The following CCSER1 variants were observed in gnomAD, a reference collection of about 807,000 sequenced individuals.
CCSER1 encodes the protein serine-rich coiled-coil domain-containing protein 1.
In CCSER1, 41 loss-of-function variants were observed where a neutral mutation model predicts 82.0. That is an observed-to-expected ratio of 0.50 (90% CI 0.39 to 0.65). The LOEUF (loss-of-function observed/expected upper bound fraction) is 0.65. Ranked by LOEUF, CCSER1 falls within the 30% of genes least tolerant of loss-of-function variation. The pLI, the probability that CCSER1 is intolerant of heterozygous loss-of-function variation, is 0.00. For missense variants in CCSER1, 1,119 were observed against 1,064.2 expected, an observed-to-expected ratio of 1.05 and a Z score of -0.72; for synonymous variants, 414 against 383.9, an observed-to-expected ratio of 1.08 and a Z score of -0.92.
rs370075525 is a variant in CCSER1, at chr4:91,575,261, C to T, written c.2218-23311C>T. ...AAACATAAGACCTAAAACCATAAACCTCCTAAAAGAAAACCCAGGAGAAAA... is the reference window on the plus strand; with the variant it reads ...AAACATAAGACCTAAAACCATAAACTTCCTAAAAGAAAACCCAGGAGAAAA... On this transcript the variant is annotated intron_variant, in intron 10 of 10. Coordinates refer to ENST00000509176, the MANE Select transcript of CCSER1 (RefSeq NM_001145065.2). Among the ~76,000 whole-genome samples, 30 of 151,882 alleles carry T rather than the reference C, an allele frequency of 2.0e-4. 1 individual carries two copies. The highest frequency in any genetic ancestry group is 6.8e-3 in the Middle Eastern group (2 of 294).
chr4:91,509,848 A>G (rs1383282517), intron 10 of CCSER1, among the ~76,000 whole-genome samples: 1 of 152,046 alleles, frequency 6.6e-6, no homozygotes, highest in Non-Finnish European at 1.5e-5. Flanking sequence ...GATTTTTTTT[A>G]CATAATTTCA....
At chr4:91,163,210 G>T (rs1449068852) in intron 10 of CCSER1, among the ~76,000 whole-genome samples, 2 of 152,222 alleles carry the variant, frequency 1.3e-5, no homozygotes, top group African/African-American at 4.8e-5. Flanking sequence ...TTCAAGAGCA[G>T]ATTGTTCAGT....
chr4:91,549,199 T>C (rs1033529539), intron 10 of CCSER1, among the ~76,000 whole-genome samples: 17 of 152,130 alleles, frequency 1.1e-4, no homozygotes, highest in Non-Finnish European at 1.9e-4. Context: ...TGGTCTCTAG[T>C]AGTTCTTTTT....
chr4:91,118,664 T>A (rs1726836808), intron 10 of CCSER1, among the ~76,000 whole-genome samples: 2 of 152,178 alleles, frequency 1.3e-5, no homozygotes, highest in East Asian at 1.9e-4. Context: ...AATAAACACA[T>A]ATTTTATACA....
chr4:90,553,713 C>T (rs751828478), intron 5 of CCSER1, among the ~76,000 whole-genome samples: 24 of 152,158 alleles, frequency 1.6e-4, no homozygotes, highest in Non-Finnish European at 2.5e-4. Flanking sequence ...CTTTACTTGA[C>T]GCTTACTCTG....
At chr4:91,445,979 T>C (rs1560678350) in intron 10 of CCSER1, among the ~76,000 whole-genome samples, 1 of 152,122 alleles carries the variant, frequency 6.6e-6, no homozygotes, top group Non-Finnish European at 1.5e-5. Flanking sequence ...AAGAAATGAC[T>C]ATTATTTTTG....
At chr4:90,299,768 T>A (rs1343785019) in intron 1 of CCSER1, among the ~76,000 whole-genome samples, 3 of 152,156 alleles carry the variant, frequency 2.0e-5, no homozygotes, top group Non-Finnish European at 4.4e-5. Flanking sequence ...AGAAAGAGCC[T>A]GGACTGCAAG....
intron 3 of CCSER1, among the ~76,000 whole-genome samples, chr4:90,374,064 AG>A (rs1340128750): frequency 1.3e-5 from 2 of 152,234 alleles, no homozygotes; most frequent in African/African-American, 4.8e-5. Context: ...ACGAAACTGT[AG>A]CAGGCTAACT....
At chr4:91,407,747 G>A (rs13130550) in intron 10 of CCSER1, among the ~76,000 whole-genome samples, 5,764 of 152,226 alleles carry the variant, frequency 0.038, 162 homozygotes, top group Non-Finnish European at 0.061. Flanking sequence ...CAGGGAACTA[G>A]TAGAGTGAGA....
chr4:90,927,511 T>C (rs2150268435), intron 9 of CCSER1, among the ~76,000 whole-genome samples: 1 of 152,146 alleles, frequency 6.6e-6, no homozygotes, highest in East Asian at 1.9e-4. Flanking sequence ...TTTTGTCTCA[T>C]TCATGTATGA....
chr4:90,605,013 G>C (rs886410704), intron 5 of CCSER1, among the ~76,000 whole-genome samples: 3 of 149,658 alleles, frequency 2.0e-5, no homozygotes, highest in African/African-American at 7.5e-5. Context: ...GCTTCCACGT[G>C]TGGGAGGTTT....
At chr4:90,367,042 G>A (rs1397238062) in intron 3 of CCSER1, among the ~76,000 whole-genome samples, 2 of 151,792 alleles carry the variant, frequency 1.3e-5, no homozygotes, top group East Asian at 1.9e-4. Context: ...ATTTACATGC[G>A]CTCATTGGAA....
intron 4 of CCSER1, among the ~76,000 whole-genome samples, chr4:90,405,113 A>G (rs531740304): frequency 2.6e-4 from 40 of 152,208 alleles, no homozygotes; most frequent in Admixed American, 2.6e-3. Flanking sequence ...AATAAAAAAC[A>G]TGATACAGGA....
At chr4:90,893,821 ATG>A (rs1436174641) in intron 8 of CCSER1, among the ~76,000 whole-genome samples, 1 of 151,178 alleles carries the variant, frequency 6.6e-6, no homozygotes, top group Non-Finnish European at 1.5e-5. Flanking sequence ...TCTATTCAAT[ATG>A]TGTTATTTAT....
chr4:91,200,496 C>A (rs1192930573), intron 10 of CCSER1, among the ~76,000 whole-genome samples: 1 of 152,038 alleles, frequency 6.6e-6, no homozygotes, highest in Non-Finnish European at 1.5e-5. Context: ...TCTTAGAAGT[C>A]TTCAGCATTT....
intron 10 of CCSER1, among the ~76,000 whole-genome samples, chr4:91,120,449 C>T (rs1215256918): frequency 6.6e-6 from 1 of 151,858 alleles, no homozygotes; most frequent in East Asian, 1.9e-4. Context: ...TTCAGTATTA[C>T]TTGAAAGAAA....
At chr4:90,139,368 A>G (rs1375375219) in intron 1 of CCSER1, among the ~76,000 whole-genome samples, 1 of 152,154 alleles carries the variant, frequency 6.6e-6, no homozygotes, top group Non-Finnish European at 1.5e-5. Flanking sequence ...CCTGTATTCC[A>G]AGTGCATAAG....
At chr4:91,242,024 CAAA>C (rs1000337219) in intron 10 of CCSER1, among the ~76,000 whole-genome samples, 4 of 150,216 alleles carry the variant, frequency 2.7e-5, no homozygotes, top group African/African-American at 9.8e-5. Context: ...TGGTAAATGA[CAAA>C]AGAAAAACAA....
chr4:90,628,506 A>G (rs182961549), intron 6 of CCSER1, among the ~76,000 whole-genome samples: 4 of 152,350 alleles, frequency 2.6e-5, no homozygotes, highest in Non-Finnish European at 4.4e-5. Context: ...GGTAAGGAGA[A>G]ATGAGTATCA....
Sources: allele counts gnomAD v4.1 joint callset (sites outside exome capture counted in the v4.1 genomes callset), GRCh38; gene constraint gnomAD v4.1.1; transcripts MANE v1.5; gene names NCBI Gene and HGNC (gene_info 2026-07-23, HGNC 2026-07-21).